The following RASEF variants were observed in gnomAD, a reference collection of about 807,000 sequenced individuals.
RASEF encodes RAS and EF-hand domain containing.
Under a neutral mutation model 90.1 loss-of-function variants are expected in RASEF, and 68 were observed. The observed-to-expected ratio is 0.75, with a 90% confidence interval of 0.62 to 0.92. RASEF has a LOEUF of 0.92. Ranked by LOEUF, RASEF falls within the 40% of genes least tolerant of loss-of-function variation. The pLI is 0.00. For synonymous variants in RASEF, 331 were observed against 345.2 expected (o/e 0.96, Z 0.46); for missense variants, 949 against 937.2 (o/e 1.01, Z -0.16).
chr9:83,025,765 A>G lies in RASEF; in HGVS notation c.578+10T>C. The G allele has an allele frequency of 2.5e-6, 4 of 1,611,930 alleles. No individual in the cohort carries two copies. The highest frequency in any genetic ancestry group is 3.4e-6 in the Non-Finnish European group (4 of 1,179,316). ...CCCACAGGCCACTTATAAAGGAAGG[A>G]CTTCAATACCTCTTCACCGCAATGG... On this transcript the variant is annotated intron_variant, in intron 2 of 16. Coordinates refer to ENST00000376447, the MANE Select transcript of RASEF (RefSeq NM_152573.4).
At chr9:83,173,310 G>GA in the RASEF span, among the ~76,000 whole-genome samples, 1 of 151,268 alleles carries the variant, frequency 6.6e-6, no homozygotes, top group East Asian at 2.0e-4. Context: ...GTATTTCTTT[G>GA]AAAAAAACTT....
the RASEF span, among the ~76,000 whole-genome samples, chr9:83,130,625 A>G: frequency 2.0e-5 from 3 of 152,196 alleles, no homozygotes; most frequent in Non-Finnish European, 4.4e-5. Context: ...CATTCATTCA[A>G]TCAATCATTT....
chr9:83,053,158 A>G (rs1480701862), intron 1 of RASEF, among the ~76,000 whole-genome samples: 1 of 63,254 alleles, frequency 1.6e-5, no homozygotes. Context: ...AAAGTCTCCC[A>G]TTATTAATGT....
chr9:83,171,221 TACC>T, the RASEF span, among the ~76,000 whole-genome samples: 1 of 151,984 alleles, frequency 6.6e-6, no homozygotes, highest in Non-Finnish European at 1.5e-5. Flanking sequence ...TAATGTGATG[TACC>T]ACATTTGTTG....
chr9:83,154,406 A>ACCAT, the RASEF span, among the ~76,000 whole-genome samples: 118 of 152,296 alleles, frequency 7.7e-4, 1 homozygote, highest in Admixed American at 2.3e-3. Context: ...CACTGAAAGT[A>ACCAT]CCATCCACAG....
At chr9:83,040,383 A>T (rs546251141) in intron 1 of RASEF, among the ~76,000 whole-genome samples, 1 of 152,222 alleles carries the variant, frequency 6.6e-6, no homozygotes, top group Non-Finnish European at 1.5e-5. Flanking sequence ...ATTTGTTAAT[A>T]ACATATATGT....
intron 1 of RASEF, among the ~76,000 whole-genome samples, chr9:83,044,176 G>A (rs1001815277): frequency 1.3e-5 from 2 of 152,116 alleles, no homozygotes; most frequent in Non-Finnish European, 2.9e-5. Context: ...GGACTTCTTG[G>A]CACAATGTCT....
the RASEF span, among the ~76,000 whole-genome samples, chr9:83,184,490 C>T: frequency 5.9e-5 from 9 of 152,134 alleles, no homozygotes; most frequent in Non-Finnish European, 8.8e-5. Flanking sequence ...CACACCCCTA[C>T]GTGGTTTTAT....
At chr9:83,088,778 T>A in the RASEF span, among the ~76,000 whole-genome samples, 1 of 152,048 alleles carries the variant, frequency 6.6e-6, no homozygotes, top group Admixed American at 6.6e-5. Context: ...GTATATCTTT[T>A]TTCATCCTTT....
intron 16 of RASEF, among the ~76,000 whole-genome samples, chr9:82,990,036 C>CT (rs1828781509): frequency 6.6e-6 from 1 of 152,088 alleles, no homozygotes; most frequent in Admixed American, 6.6e-5. Flanking sequence ...TCTTTTTCCC[C>CT]TTTTGCCCGG....
chr9:83,062,892 G>T lies in RASEF; in HGVS notation c.-25C>A, dbSNP rs1179208394. On this transcript the variant is annotated 5_prime_UTR_variant, in exon 1 of 17. Transcript: ENST00000376447. ...TCCCGCCTGGCGGGGGCGGCCGAGA[G>T]GGCTCCGGAGCGCCGCGGGGCGCAG... The T allele has an allele frequency of 1.4e-6, 2 of 1,424,030 alleles. No individual in the cohort carries two copies. The highest frequency in any genetic ancestry group is 1.8e-6 in the Non-Finnish European group (2 of 1,101,684). 88.2% of individuals were successfully genotyped at this position (1,424,030 alleles called of 1,614,324 possible). A position where few individuals can be genotyped will look rare whatever the true frequency, so the allele number is the denominator to read the frequency against.
chr9:83,159,986 C>A, the RASEF span, among the ~76,000 whole-genome samples: 2 of 152,176 alleles, frequency 1.3e-5, no homozygotes, highest in East Asian at 1.9e-4. Context: ...GTGAGATGTG[C>A]CTTTCACCTT....
the RASEF span, among the ~76,000 whole-genome samples, chr9:83,072,216 TC>T: frequency 1.3e-5 from 2 of 152,118 alleles, no homozygotes; most frequent in Non-Finnish European, 2.9e-5. Context: ...AGGCTTCCCT[TC>T]TAAGTATCCC....
At chr9:83,192,603 A>G in the RASEF span, among the ~76,000 whole-genome samples, 1 of 152,124 alleles carries the variant, frequency 6.6e-6, no homozygotes, top group Non-Finnish European at 1.5e-5. Flanking sequence ...ATAACTATTG[A>G]TAACTAGGCT....
At chr9:83,005,348 T>C in intron 8 of RASEF, 68 bp downstream of exon 8, 1 of 1,143,188 alleles carries the variant, frequency 8.7e-7, no homozygotes, top group Non-Finnish European at 1.3e-6. Context: ...AATTACATTA[T>C]TTTCATCAAC....
intron 1 of RASEF, among the ~76,000 whole-genome samples, chr9:83,036,061 C>A (rs1587512167): frequency 1.3e-5 from 2 of 152,296 alleles, no homozygotes; most frequent in Middle Eastern, 6.8e-3. Flanking sequence ...GACATCCATG[C>A]AGTGAAAAGA....
chr9:83,184,107 G>A, the RASEF span, among the ~76,000 whole-genome samples: 5 of 152,184 alleles, frequency 3.3e-5, no homozygotes, highest in African/African-American at 1.2e-4. Context: ...GACAGAGGAT[G>A]AGTAAAGCTT....
At chr9:83,100,046 A>G in the RASEF span, among the ~76,000 whole-genome samples, 5 of 152,218 alleles carry the variant, frequency 3.3e-5, no homozygotes, top group African/African-American at 4.8e-5. Flanking sequence ...TTAAAAGTGA[A>G]TGTCTAGAAA....
chr9:83,196,106 T>A, the RASEF span, among the ~76,000 whole-genome samples: 1 of 151,600 alleles, frequency 6.6e-6, no homozygotes, highest in East Asian at 2.0e-4. Flanking sequence ...TTCACCAAGA[T>A]GGGAGAACTA....
Sources: allele counts gnomAD v4.1 joint callset (sites outside exome capture counted in the v4.1 genomes callset), GRCh38; gene constraint gnomAD v4.1.1; transcripts MANE v1.5; gene names NCBI Gene and HGNC (gene_info 2026-07-23, HGNC 2026-07-21).